The following ARHGAP21 variants were observed in gnomAD, a reference collection of about 807,000 sequenced individuals.
ARHGAP21 encodes Rho GTPase activating protein 21.
A neutral mutation model predicts 164.6 loss-of-function variants in ARHGAP21; 38 were observed. The observed-to-expected ratio is 0.23, with a 90% CI of 0.18 to 0.30. ARHGAP21 has a LOEUF of 0.30. ARHGAP21 is among the 10% of genes least tolerant of loss of function. The pLI is 1.00. For synonymous variants in ARHGAP21, 766 were observed against 857.9 expected (o/e 0.89, Z 1.87); for missense variants, 1,822 against 2,370.7 (o/e 0.77, Z 4.81).
intron 2 of ARHGAP21, among the ~76,000 whole-genome samples, chr10:24,708,888 C>T (rs911140585): frequency 2.0e-5 from 3 of 152,144 alleles, no homozygotes; most frequent in Non-Finnish European, 4.4e-5. Context: ...GTGAATAGTG[C>T]TGCAACAAAC....
intron 2 of ARHGAP21, among the ~76,000 whole-genome samples, chr10:24,679,123 G>A (rs1471380276): frequency 6.6e-6 from 1 of 152,184 alleles, no homozygotes. Context: ...TGGAATAAAT[G>A]TCCAAGAGTG....
At chr10:24,642,290 C>A (rs567090320) in intron 4 of ARHGAP21, among the ~76,000 whole-genome samples, 1 of 151,630 alleles carries the variant, frequency 6.6e-6, no homozygotes, top group South Asian at 2.1e-4. Flanking sequence ...CCGAGGCGGG[C>A]GGATCACGAG....
intron 2 of ARHGAP21, among the ~76,000 whole-genome samples, chr10:24,686,544 G>T (rs1842230942): frequency 1.3e-5 from 2 of 152,176 alleles, no homozygotes; most frequent in Non-Finnish European, 2.9e-5. Flanking sequence ...CTAAAGTCAT[G>T]ACTGTGAACA....
intron 12 of ARHGAP21, among the ~76,000 whole-genome samples, chr10:24,603,801 C>T (rs538466372): frequency 6.6e-6 from 1 of 152,240 alleles, no homozygotes; most frequent in African/African-American, 2.4e-5. Flanking sequence ...AGTTCGAGAC[C>T]AGCCTGGCCA....
At chr10:24,628,816 C>CACACATATATGTACATATATACATAT (rs1565052902) in intron 7 of ARHGAP21, among the ~76,000 whole-genome samples, 10 of 110,376 alleles carry the variant, frequency 9.1e-5, no homozygotes, top group South Asian at 8.5e-4. Flanking sequence ...CATATATATA[C>CACACATATATGTACATATATACATAT]ATATACACAC....
intron 4 of ARHGAP21, among the ~76,000 whole-genome samples, chr10:24,643,265 T>TACATTTCACATGTA (rs1465408891): frequency 2.6e-5 from 4 of 152,280 alleles, no homozygotes; most frequent in Admixed American, 6.5e-5. Flanking sequence ...TGTAGCATTG[T>TACATTTCACATGTA]ACATTTCACA....
chr10:24,688,876 C>G (rs1046780531), intron 2 of ARHGAP21, among the ~76,000 whole-genome samples: 1 of 152,144 alleles, frequency 6.6e-6, no homozygotes, highest in African/African-American at 2.4e-5. Flanking sequence ...ATGGGGTTTC[C>G]TTTTTCTTTC....
chr10:24,657,005 G>A (rs1262078876), intron 4 of ARHGAP21, among the ~76,000 whole-genome samples: 1 of 58,706 alleles, frequency 1.7e-5, no homozygotes, highest in African/African-American at 7.8e-5. Flanking sequence ...GCCTCTGCCC[G>A]GCCGCCCCTA....
Position 24,635,114 on chromosome 10 carries a change from G to A in ARHGAP21, c.269-11C>T, listed in dbSNP as rs1216211182. On this transcript the variant is annotated splice_polypyrimidine_tract_variant and intron_variant, in intron 4 of 25. Coordinates refer to ENST00000396432, the MANE Select transcript of ARHGAP21 (RefSeq NM_020824.4). ...GGTTTCTTTGTTTTCCTGTTACAGA[G>A]AAGCCCAAAGCATGATTTTACTTCA... 5 of 1,552,024 alleles carry A rather than the reference G, an allele frequency of 3.2e-6. No homozygotes were observed. In the African/African-American group the frequency reaches 5.5e-5, roughly 17 times the overall value.
At chr10:24,590,283 T>C in intron 24 of ARHGAP21, 1 of 1,525,032 alleles carries the variant, frequency 6.6e-7, no homozygotes, top group Non-Finnish European at 8.8e-7. Context: ...AGTATTGATC[T>C]GTTTACAATA....
intron 2 of ARHGAP21, among the ~76,000 whole-genome samples, chr10:24,689,916 ATGTATATG>A (rs1349195594): frequency 1.5e-4 from 19 of 126,698 alleles, no homozygotes; most frequent in East Asian, 6.8e-4. Flanking sequence ...ACATGTATAT[ATGTATATG>A]TATGTATATG....
Position 24,584,632 on chromosome 10 carries a change from G to C in ARHGAP21, c.5657C>G (p.Thr1886Ser), listed in dbSNP as rs1468870796. 3 of 1,613,954 alleles carry C rather than the reference G, an allele frequency of 1.9e-6. No individual in the cohort carries two copies. The highest frequency in any genetic ancestry group is 2.7e-5 in the African/African-American group (2 of 75,042). ...ENPSTREIAT[T>S]DTPLSLHCNT... ...GCAATGAAGAGACAAAGGTGTGTCGGTCGTGGCTATTTCTCGTGTGCTTGG... is the reference window on the plus strand; with the variant it reads ...GCAATGAAGAGACAAAGGTGTGTCGCTCGTGGCTATTTCTCGTGTGCTTGG... The change falls in exon 26 of 26, where the codon ACC becomes AGC. Residue 1886 changes from threonine (T) to serine (S), a missense_variant. Thr to Ser is a moderately conservative substitution (Grantham distance 58). Coordinates refer to ENST00000396432, the MANE Select transcript of ARHGAP21 (RefSeq NM_020824.4).
Position 24,595,751 on chromosome 10 carries a change from G to A in ARHGAP21, c.3678C>T (p.Phe1226=). Residue 1226 remains phenylalanine (F), a synonymous_variant, in exon 19 of 26, where the codon TTC becomes TTT. Transcript: ENST00000396432. ...LNVISSLLKS[F]FRKLPEPLFT... is the part of the protein sequence containing the mutation. ...AGAGAGGCTCAGGGAGTTTTCTGAA[G>A]AAGGATTTTAGTAAACTGCTTATCA... 6.2e-7 allele frequency: 1 copy of A among 1,613,562 alleles called. No individual in the cohort carries two copies. Among genetic ancestry groups the A allele is most frequent in the Non-Finnish European group, 8.5e-7 (1 of 1,179,768 alleles).
intron 17 of ARHGAP21, chr10:24,596,531 C>T (rs1234914507): frequency 1.6e-6 from 1 of 633,486 alleles, no homozygotes; most frequent in Non-Finnish European, 2.6e-6. Context: ...CAGACAAATT[C>T]CTAATGGTTG....
intron 21 of ARHGAP21, 142 bp from the exon 22 acceptor site, chr10:24,592,154 AGATTTTT>A: frequency 1.8e-6 from 1 of 552,306 alleles, no homozygotes; most frequent in Non-Finnish European, 2.7e-6. Flanking sequence ...CTTTCTAGCA[AGATTTTT>A]TTTTTTTTTT....
intron 13 of ARHGAP21, among the ~76,000 whole-genome samples, chr10:24,601,468 ATAT>A (rs1319884435): frequency 6.6e-6 from 1 of 152,202 alleles, no homozygotes; most frequent in African/African-American, 2.4e-5. Context: ...AGCTGTCCAA[ATAT>A]TATAGAAAAT....
chr10:24,594,943 T>C lies in ARHGAP21; in HGVS notation c.3876+7A>G. On this transcript the variant is annotated splice_region_variant and intron_variant, in intron 21 of 25. Transcript: ENST00000396432. ...AAGTACATTTCTTCAATAAGCATTT[T>C]ACATACCTTATTTTTTTCTGAATTT... The C allele has an allele frequency of 6.3e-7, 1 of 1,596,452 alleles. No individual in the cohort carries two copies. The highest frequency in any genetic ancestry group is 1.1e-5 in the South Asian group (1 of 90,140).
intron 4 of ARHGAP21, among the ~76,000 whole-genome samples, chr10:24,658,584 A>G (rs1227828805): frequency 6.6e-6 from 1 of 152,192 alleles, no homozygotes; most frequent in African/African-American, 2.4e-5. Context: ...AAGGATAGAA[A>G]ACCAAACACT....
intron 4 of ARHGAP21, among the ~76,000 whole-genome samples, chr10:24,649,596 G>A (rs1837949554): frequency 6.6e-6 from 1 of 152,134 alleles, no homozygotes; most frequent in Non-Finnish European, 1.5e-5. Context: ...GTAACAGCCT[G>A]TCCCTGGACA....
Sources: allele counts gnomAD v4.1 joint callset (sites outside exome capture counted in the v4.1 genomes callset), GRCh38; gene constraint gnomAD v4.1.1; transcripts MANE v1.5; gene names NCBI Gene and HGNC (gene_info 2026-07-23, HGNC 2026-07-21).